Variants in MAP4K1 observed in about 807,000 individuals in gnomAD.
MAP4K1 encodes MAPK/ERK kinase kinase kinase 1.
Under a neutral mutation model 122.8 loss-of-function variants are expected in MAP4K1, and 35 were observed. The observed-to-expected ratio is 0.29, with a 90% CI of 0.22 to 0.38. MAP4K1 has a LOEUF of 0.38. Among genes scored for constraint, MAP4K1 ranks in the 10% least tolerant of loss-of-function variants. The probability of loss-of-function intolerance (pLI) is 1.00; values close to 1 mark genes in which losing one functional copy is unlikely to be tolerated. For synonymous variants in MAP4K1, 412 were observed against 421.3 expected (o/e 0.98, Z 0.27); for missense variants, 791 against 1,072.6 (o/e 0.74, Z 3.67).
At chr19:38,609,863 G>A (rs1344593824) in intron 12 of MAP4K1, 46 bp downstream of exon 12, 1 of 1,543,780 alleles carries the variant, frequency 6.5e-7, no homozygotes, top group East Asian at 2.2e-5. Context: ...CACAGCCTGA[G>A]AAAGACCGAG....
In MAP4K1 at chr19:38,596,573, C is replaced by T. The variant is rs1000248709; in HGVS notation, c.1942-87G>A. ...TGGCTTGTAGCTGGCCTGGGACTTCCGAACCAGGGCCCTAAGTCTTGGGGG... is the reference window on the plus strand; with the variant it reads ...TGGCTTGTAGCTGGCCTGGGACTTCTGAACCAGGGCCCTAAGTCTTGGGGG... On this transcript the variant is annotated intron_variant, in intron 25 of 30. Coordinates refer to ENST00000396857, the MANE Select transcript of MAP4K1 (RefSeq NM_001042600.3). 7 of 1,093,444 alleles carry T rather than the reference C, an allele frequency of 6.4e-6. No individual in the cohort carries two copies. The Admixed American group carries it at 2.0e-4, about 31-fold the overall frequency. The allele number at this position is 1,093,444 out of a possible 1,614,324, so 67.7% of individuals were successfully genotyped here. A position where few individuals can be genotyped will look rare whatever the true frequency, so the allele number is the denominator to read the frequency against.
rs370316715 is a variant in MAP4K1, at chr19:38,595,479, G to A, written c.2340+6C>T. On this transcript the variant is annotated splice_donor_region_variant and intron_variant, in intron 29 of 30. Transcript: ENST00000396857. ...AGTGATGTGGAGTTTGGATGGAGGG[G>A]CTTACCTGATCCGAGCCTAGAGCCC... 1 of 1,613,810 alleles carries A rather than the reference G, an allele frequency of 6.2e-7. No homozygotes were observed. The highest frequency in any genetic ancestry group is 1.1e-5 in the South Asian group (1 of 91,084).
chr19:38,605,879 T>C, intron 17 of MAP4K1, 149 bp from the exon 18 acceptor site: 1 of 703,848 alleles, frequency 1.4e-6, no homozygotes, highest in Non-Finnish European at 2.3e-6. Context: ...CCTCCAGCCT[T>C]CCCCTGACAT....
rs749114535 is a variant in MAP4K1 at position 38,587,739 on chromosome 19, C to G, written c.*9G>C. 9.3e-6 allele frequency: 15 copies of G among 1,612,184 alleles called. No homozygotes were observed. Among genetic ancestry groups the G allele is most frequent in the East Asian group, 2.2e-5 (1 of 44,874 alleles). On this transcript the variant is annotated 3_prime_UTR_variant, in exon 31 of 31. Transcript: ENST00000396857. ...TGCAAGGACTAGTTCCTGACACCCC[C>G]CTAGGGACTCATTCCTGGATGTAGA... is the stretch of plus-strand genomic sequence containing the variant.
chr19:38,595,405 G>A (rs1974843264), intron 29 of MAP4K1, 80 bp downstream of exon 29: 2 of 1,430,234 alleles, frequency 1.4e-6, no homozygotes, highest in Non-Finnish European at 2.0e-6. Flanking sequence ...CTCTGACTCA[G>A]GAGTTCTCGG....
intron 11 of MAP4K1, 57 bp from the exon 12 acceptor site, chr19:38,610,082 G>T: frequency 7.8e-7 from 1 of 1,277,050 alleles, no homozygotes; most frequent in African/African-American, 1.5e-5. Flanking sequence ...GAGAGGGCTG[G>T]TGTGGACAGA....
At chr19:38,602,941 C>G (rs1450246079) in intron 19 of MAP4K1, among the ~76,000 whole-genome samples, 1 of 144,164 alleles carries the variant, frequency 6.9e-6, no homozygotes, top group Non-Finnish European at 1.5e-5. Context: ...CATATATACA[C>G]ATACATATAT....
chr19:38,605,359 A>AAAC, intron 19 of MAP4K1, 50 bp downstream of exon 19: 2 of 741,884 alleles, frequency 2.7e-6, no homozygotes, highest in Non-Finnish European at 4.5e-6. Flanking sequence ...CCCACCAGGC[A>AAAC]TCCCCAGCCC....
At chr19:38,611,823 G>C (rs1287109485) in intron 9 of MAP4K1, among the ~76,000 whole-genome samples, 2 of 151,546 alleles carry the variant, frequency 1.3e-5, no homozygotes, top group African/African-American at 4.9e-5. Context: ...AAATGTCTGG[G>C]CGTGGTGGCT....
chr19:38,594,957 TTATCTATCTATCTATCTATC>T (rs4018120), intron 29 of MAP4K1, among the ~76,000 whole-genome samples: 5 of 146,554 alleles, frequency 3.4e-5, no homozygotes, highest in Non-Finnish European at 7.5e-5. Context: ...TAAATAAATT[TTATCTATCTATCTATCTATC>T]TATCTATCTA....
rs549834981 is a variant in MAP4K1, at chr19:38,595,143, G to C, written c.2340+342C>G. On this transcript the variant is annotated intron_variant, in intron 29 of 30. Coordinates refer to ENST00000396857, the MANE Select transcript of MAP4K1 (RefSeq NM_001042600.3). ...GTCTCTACTGAAAATACAAAAATTA[G>C]CCAGCTGTGGTGGCGCATGCCTGTA... Among the ~76,000 whole-genome samples, 19 of 151,658 alleles carry C rather than the reference G, an allele frequency of 1.3e-4. 1 individual carries two copies. Among genetic ancestry groups the C allele is most frequent in the African/African-American group, 4.6e-4 (19 of 41,308 alleles).
chr19:38,617,857 G>A lies in MAP4K1; in HGVS notation c.39C>T (p.Pro13=). 1 of 1,614,136 alleles carries A rather than the reference G, an allele frequency of 6.2e-7. No individual in the cohort carries two copies. The highest frequency in any genetic ancestry group is 1.1e-5 in the South Asian group (1 of 91,082). Residue 13 remains proline, a synonymous_variant, in exon 1 of 31, where the codon CCC becomes CCT. Transcript: ENST00000396857. The surrounding 1 kb of genome is among the most constrained non-coding windows in gnomAD (Gnocchi z 4.1). ...GCTGTAGCAGGTCATAGTGGTCCCG[G>A]GGGTCTCTATTGAAAATGTCAGGGT... The part of the protein sequence containing the change: ...VVDPDIFNRD[P]RDHYDLLQRL...
chr19:38,599,827 C>T, intron 22 of MAP4K1, 98 bp downstream of exon 22: 2 of 1,146,528 alleles, frequency 1.7e-6, no homozygotes, highest in South Asian at 2.5e-5. Context: ...ACCAAGCAGT[C>T]TAAGTTTTTT....
rs371246851 is a variant in MAP4K1, at chr19:38,613,851, C to A, written c.533+29G>T. 2,009 of 1,568,618 alleles carry A rather than the reference C, an allele frequency of 1.3e-3. 5 individuals carry two copies. The highest frequency in any genetic ancestry group is 1.6e-3 in the Non-Finnish European group (1,848 of 1,156,076). On this transcript the variant is annotated intron_variant, in intron 8 of 30. Transcript: ENST00000396857. ...GGAAAAACCACTGACCCCCACTCCA[C>A]CCCTAGCTGCCCGCTGGGCGCCACT...
chr19:38,614,718 C>T (rs1454430401), intron 4 of MAP4K1: 5 of 482,394 alleles, frequency 1.0e-5, no homozygotes, highest in South Asian at 4.4e-5. Flanking sequence ...GTCAGGAGTC[C>T]GAGACCAGCC....
chr19:38,605,285 GCA>G, intron 19 of MAP4K1, 122 bp downstream of exon 19: 1 of 714,394 alleles, frequency 1.4e-6, no homozygotes, highest in East Asian at 2.7e-5. Context: ...TAAGTGTAGG[GCA>G]CAGAGAAGCG....
intron 8 of MAP4K1, among the ~76,000 whole-genome samples, chr19:38,613,344 A>C (rs538130833): frequency 4.6e-5 from 7 of 150,906 alleles, no homozygotes; most frequent in Non-Finnish European, 8.9e-5. Flanking sequence ...AAAAAAAAAA[A>C]AACAACACCA....
intron 19 of MAP4K1, among the ~76,000 whole-genome samples, chr19:38,602,762 GCA>G (rs1350140208): frequency 3.2e-5 from 3 of 95,018 alleles, no homozygotes; most frequent in Non-Finnish European, 6.8e-5. Flanking sequence ...ACATATATAC[GCA>G]TATACATATA....
At position 38,616,139 on chromosome 19, in the gene MAP4K1, G is replaced by C. The variant is rs575582590; in HGVS notation, c.313+56C>G. 17 of 1,416,138 alleles carry C rather than the reference G, an allele frequency of 1.2e-5. No individual in the cohort carries two copies. In the East Asian group the frequency reaches 3.7e-4, roughly 31 times the overall value. The allele number at this position is 1,416,138 out of a possible 1,614,324, so 87.7% of individuals were successfully genotyped here. A position where few individuals can be genotyped will look rare whatever the true frequency, so the allele number is the denominator to read the frequency against. On this transcript the variant is annotated intron_variant, in intron 4 of 30. Coordinates refer to ENST00000396857, the MANE Select transcript of MAP4K1 (RefSeq NM_001042600.3). ...AGACGGAAGAGGTGAATTTGGGTCGGGGTTGGGGGGTGGGGATAGGGAGGG... is the reference window on the plus strand; with the variant it reads ...AGACGGAAGAGGTGAATTTGGGTCGCGGTTGGGGGGTGGGGATAGGGAGGG...
Sources: allele counts gnomAD v4.1 joint callset (sites outside exome capture counted in the v4.1 genomes callset), GRCh38; gene constraint gnomAD v4.1.1; non-coding constraint Gnocchi (gnomAD v3.1); transcripts MANE v1.5; gene names NCBI Gene and HGNC (gene_info 2026-07-23, HGNC 2026-07-21).